The following CDC42BPA variants were observed in gnomAD, a reference collection of about 807,000 sequenced individuals.
CDC42BPA encodes CDC42 binding protein kinase alpha.
CDC42BPA carries 80 observed loss-of-function variants against 223.5 expected under a neutral mutation model. The observed-to-expected ratio is 0.36, with a 90% CI of 0.30 to 0.43. CDC42BPA has a LOEUF of 0.43. CDC42BPA is among the 20% of genes least tolerant of loss of function. The probability of loss-of-function intolerance (pLI) is 1.00; values close to 1 mark genes in which losing one functional copy is unlikely to be tolerated. For missense variants in CDC42BPA, 1,743 were observed against 2,099.9 expected (o/e 0.83, Z 3.32); for synonymous variants, 694 against 718.6 (o/e 0.97, Z 0.55).
At chr1:227,106,643 A>G (rs1344700688) in intron 14 of CDC42BPA, among the ~76,000 whole-genome samples, 2 of 152,104 alleles carry the variant, frequency 1.3e-5, no homozygotes, top group Non-Finnish European at 2.9e-5. Context: ...TTCTTTCAGT[A>G]TTATTTCTAA....
intron 3 of CDC42BPA, among the ~76,000 whole-genome samples, chr1:227,210,475 G>C (rs535607625): frequency 6.6e-6 from 1 of 152,126 alleles, no homozygotes; most frequent in Non-Finnish European, 1.5e-5. Context: ...AGGAGAACAG[G>C]GAGAAGTGAG....
intron 3 of CDC42BPA, among the ~76,000 whole-genome samples, chr1:227,210,453 G>C (rs1226684461): frequency 6.6e-6 from 1 of 152,068 alleles, no homozygotes; most frequent in Non-Finnish European, 1.5e-5. Context: ...AGAATCTTCA[G>C]CTATACTTCA....
At chr1:227,014,636 T>C (rs1279262486) in intron 34 of CDC42BPA, among the ~76,000 whole-genome samples, 2 of 152,146 alleles carry the variant, frequency 1.3e-5, no homozygotes, top group African/African-American at 2.4e-5. Flanking sequence ...TCTCTGTCAG[T>C]GATAGATGTT....
intron 10 of CDC42BPA, among the ~76,000 whole-genome samples, chr1:227,130,225 T>A (rs1656789522): frequency 6.6e-6 from 1 of 152,210 alleles, no homozygotes; most frequent in African/African-American, 2.4e-5. Flanking sequence ...AGTCTCTCCC[T>A]TACCATAATT....
At chr1:227,057,969 A>T (rs1464629822) in intron 21 of CDC42BPA, among the ~76,000 whole-genome samples, 2 of 152,254 alleles carry the variant, frequency 1.3e-5, no homozygotes, top group East Asian at 1.9e-4. Context: ...CAAGTAGTTA[A>T]AAATTTAGTC....
intron 15 of CDC42BPA, among the ~76,000 whole-genome samples, chr1:227,099,003 G>C (rs1684506595): frequency 6.6e-6 from 1 of 151,908 alleles, no homozygotes; most frequent in Admixed American, 6.6e-5. Flanking sequence ...ACACTATGTG[G>C]TGTTGAAAAA....
At chr1:227,135,178 G>A (rs144405209) in intron 10 of CDC42BPA, among the ~76,000 whole-genome samples, 15 of 152,268 alleles carry the variant, frequency 9.9e-5, no homozygotes, top group African/African-American at 3.4e-4. Flanking sequence ...GAAGCTTCTG[G>A]AGGATGTGTG....
At chr1:227,291,410 A>G (rs1035393032) in intron 1 of CDC42BPA, among the ~76,000 whole-genome samples, 2 of 152,206 alleles carry the variant, frequency 1.3e-5, no homozygotes, top group African/African-American at 4.8e-5. Flanking sequence ...TTACCCAGGC[A>G]TGGTGGCACG....
intron 14 of CDC42BPA, among the ~76,000 whole-genome samples, chr1:227,109,563 A>G (rs1686556527): frequency 6.6e-6 from 1 of 151,994 alleles, no homozygotes; most frequent in Non-Finnish European, 1.5e-5. Flanking sequence ...ACGGGGTTTC[A>G]CTATGTTGGC....
intron 32 of CDC42BPA, among the ~76,000 whole-genome samples, chr1:227,021,600 A>C (rs1053550041): frequency 1.3e-5 from 2 of 152,178 alleles, no homozygotes; most frequent in African/African-American, 4.8e-5. Context: ...ACAAAAACAC[A>C]CCAACAAAAT....
chr1:227,163,813 T>TG (rs1005859079), intron 5 of CDC42BPA, among the ~76,000 whole-genome samples: 2 of 151,720 alleles, frequency 1.3e-5, no homozygotes, highest in African/African-American at 4.8e-5. Context: ...CCAGACATCA[T>TG]AAGGATGGTG....
intron 10 of CDC42BPA, among the ~76,000 whole-genome samples, chr1:227,130,836 A>C (rs1192795727): frequency 6.6e-6 from 1 of 151,136 alleles, no homozygotes; most frequent in Non-Finnish European, 1.5e-5. Flanking sequence ...CCTGGGTGAT[A>C]GATCGAGACT....
intron 12 of CDC42BPA, among the ~76,000 whole-genome samples, chr1:227,114,665 A>C (rs111243137): frequency 6.6e-6 from 1 of 152,186 alleles, no homozygotes; most frequent in African/African-American, 2.4e-5. Context: ...GAATAATCCA[A>C]AAAATTTGAA....
Position 227,237,045 on chromosome 1 carries a change from CAAAAAAAA to C in CDC42BPA, c.270+17011_270+17018del, listed in dbSNP as rs11447987. Among the ~76,000 whole-genome samples the C allele has an allele frequency of 4.7e-5, 4 of 84,406 alleles. No individual in the cohort carries two copies. In the East Asian group the frequency reaches 1.8e-3, roughly 39 times the overall value. 55.4% of individuals were successfully genotyped at this position (84,406 alleles called of 152,430 possible). A position where few individuals can be genotyped will look rare whatever the true frequency, so the allele number is the denominator to read the frequency against. On this transcript the variant is annotated intron_variant, in intron 2 of 36. Coordinates refer to ENST00000366766, the MANE Select transcript of CDC42BPA (RefSeq NM_001394014.1). ...ATGACAGAATGAGACCCGGTCTCCA[CAAAAAAAA>C]AAAAAAAAAAAAAGCGTCTCATATG...
intron 2 of CDC42BPA, among the ~76,000 whole-genome samples, chr1:227,239,112 C>G (rs909909928): frequency 2.0e-5 from 3 of 152,134 alleles, no homozygotes; most frequent in African/African-American, 7.2e-5. Context: ...AAAGAGCTAT[C>G]AAGCCATTTA....
At chr1:227,199,803 C>T in intron 3 of CDC42BPA, 151 bp from the exon 4 acceptor site, 1 of 445,536 alleles carries the variant, frequency 2.2e-6, no homozygotes, top group Non-Finnish European at 3.9e-6. Flanking sequence ...TTCAAACCAC[C>T]CTCAGAAACT....
chr1:227,231,018 GGTAC>G (rs1677821607), intron 2 of CDC42BPA, among the ~76,000 whole-genome samples: 1 of 151,258 alleles, frequency 6.6e-6, no homozygotes, highest in Admixed American at 6.6e-5. Context: ...TAAGTTCTAT[GGTAC>G]ATGTGCACAA....
intron 32 of CDC42BPA, among the ~76,000 whole-genome samples, chr1:227,023,011 G>A (rs141418965): frequency 6.6e-6 from 1 of 152,054 alleles, no homozygotes; most frequent in Non-Finnish European, 1.5e-5. Context: ...ACTTACTCAG[G>A]TACTCCACAG....
intron 15 of CDC42BPA, among the ~76,000 whole-genome samples, chr1:227,095,387 A>G (rs535949134): frequency 7.2e-5 from 11 of 152,296 alleles, no homozygotes; most frequent in Non-Finnish European, 1.6e-4. Flanking sequence ...TAAAAGTTCA[A>G]TTAAATTTCC....
Sources: gnomAD v4.1 joint callset for allele counts (sites outside exome capture counted in the v4.1 genomes callset) on GRCh38, gnomAD v4.1.1 for gene constraint, MANE v1.5 for transcripts, NCBI Gene and HGNC (gene_info 2026-07-23, HGNC 2026-07-21) for gene names.